The following C2CD3 variants were observed in gnomAD, a reference collection of about 807,000 sequenced individuals.
C2CD3 encodes C2 domain containing 3 centriole elongation regulator.
Under a neutral mutation model 234.0 loss-of-function variants are expected in C2CD3, and 148 were observed. That is an observed-to-expected ratio of 0.63 (90% CI 0.55 to 0.72). The LOEUF (loss-of-function observed/expected upper bound fraction) is 0.72, where lower values mean the gene tolerates loss of function less well. Ranked by LOEUF, C2CD3 falls within the 30% of genes least tolerant of loss-of-function variation. The probability of loss-of-function intolerance (pLI) is 0.00; values close to 1 mark genes in which losing one functional copy is unlikely to be tolerated. For synonymous variants in C2CD3, 1,000 were observed against 1,035.4 expected, an observed-to-expected ratio of 0.97 and a Z score of 0.66; for missense variants, 2,577 against 2,811.5, an observed-to-expected ratio of 0.92 and a Z score of 1.89.
chr11:74,037,336 T>TA lies in C2CD3; in HGVS notation c.5881+141dup, dbSNP rs370964056. On this transcript the variant is annotated intron_variant, in intron 30 of 32. Transcript: ENST00000334126. ...CCCTCCTTTTCAAACGCAAGATGGT[T>TA]AAAAAAAAAAAAAAAGGAAGAGGGT... 0.024 allele frequency: 15,415 copies of TA among 637,132 alleles called. 84 individuals are homozygous for TA. Among genetic ancestry groups the TA allele is most frequent in the African/African-American group, 0.068 (3,486 of 51,058 alleles). 39.5% of individuals were successfully genotyped at this position (637,132 alleles called of 1,614,324 possible).
intron 8 of C2CD3, among the ~76,000 whole-genome samples, chr11:74,122,472 T>C (rs1957250856): frequency 6.6e-6 from 1 of 152,124 alleles, no homozygotes; most frequent in Admixed American, 6.6e-5. Context: ...TTGGACATAG[T>C]ATGTATAGAT....
At chr11:74,126,078 G>A (rs936533677) in intron 7 of C2CD3, among the ~76,000 whole-genome samples, 2 of 152,138 alleles carry the variant, frequency 1.3e-5, no homozygotes, top group Non-Finnish European at 2.9e-5. Context: ...GTGCAAGACA[G>A]GTAAACTTCT....
chr11:74,163,537 T>C (rs1343184502), intron 2 of C2CD3, among the ~76,000 whole-genome samples: 1 of 152,224 alleles, frequency 6.6e-6, no homozygotes, highest in African/African-American at 2.4e-5. Context: ...CTCATGATAG[T>C]GAGTTAGCTC....
chr11:74,091,027 G>A, intron 19 of C2CD3, 91 bp from the exon 20 acceptor site: 1 of 1,318,948 alleles, frequency 7.6e-7, no homozygotes, highest in Non-Finnish European at 1.1e-6. Flanking sequence ...GATGGAAGAG[G>A]ATTAACACTA....
intron 28 of C2CD3, among the ~76,000 whole-genome samples, chr11:74,047,122 C>A (rs1194434581): frequency 6.6e-6 from 1 of 152,222 alleles, no homozygotes; most frequent in Non-Finnish European, 1.5e-5. Flanking sequence ...CCAGATCTGT[C>A]TGACCTCACA....
In C2CD3 at chr11:74,106,429, A is replaced by G; in HGVS notation, c.2027T>C (p.Phe676Ser). ...RAVIQSELLS[F>S]SDQLPVQQEN... The stretch of plus-strand genomic sequence containing the variant: ...TTGTTGCACTGGAAGCTGATCACTG[A>G]AAGAAAGCAGCTCTGATTGAATGAC... Residue 676 changes from phenylalanine to serine, a missense_variant, in exon 13 of 33, where the codon TTC becomes TCC. Coordinates refer to ENST00000334126, the MANE Select transcript of C2CD3 (RefSeq NM_001286577.2). 1 of 1,613,918 alleles carries G rather than the reference A, an allele frequency of 6.2e-7. No homozygotes were observed. The highest frequency in any genetic ancestry group is 8.5e-7 in the Non-Finnish European group (1 of 1,179,758).
At chr11:74,035,438 C>G (rs768231140) in intron 30 of C2CD3, among the ~76,000 whole-genome samples, 3 of 152,222 alleles carry the variant, frequency 2.0e-5, no homozygotes, top group Non-Finnish European at 4.4e-5. Context: ...AAGATTGCTA[C>G]ATGGCTTTGT....
Position 74,113,785 on chromosome 11 carries a change from T to A in C2CD3, c.1838A>T (p.Asp613Val). ...AAAACCAGTGTGTCTCTTACTTCCATCTGTAATTTTACTGGAGGCGAGTCG... is the reference window on the plus strand; with the variant it reads ...AAAACCAGTGTGTCTCTTACTTCCAACTGTAATTTTACTGGAGGCGAGTCG... ...VVRLASSKIT[D>V]GKVKFQQRFV... The change falls in exon 11 of 33, where the codon GAT becomes GTT. Residue 613 changes from aspartate (D) to valine (V), a missense_variant. Coordinates refer to ENST00000334126, the MANE Select transcript of C2CD3 (RefSeq NM_001286577.2). 3.2e-6 allele frequency: 5 copies of A among 1,583,786 alleles called. No homozygotes were observed. The highest frequency in any genetic ancestry group is 4.3e-6 in the Non-Finnish European group (5 of 1,153,282).
chr11:74,094,432 T>C (rs1956030297), intron 17 of C2CD3, among the ~76,000 whole-genome samples: 1 of 152,192 alleles, frequency 6.6e-6, no homozygotes, highest in Non-Finnish European at 1.5e-5. Context: ...TATATACAAA[T>C]CTCTTATTTG....
In C2CD3 at chr11:74,117,098, A is replaced by T. The variant is rs1229478198; in HGVS notation, c.1520+1130T>A. On this transcript the variant is annotated intron_variant, in intron 9 of 32. Coordinates refer to ENST00000334126, the MANE Select transcript of C2CD3 (RefSeq NM_001286577.2). ...TGAATATATATATGAATATATATAT[A>T]TGAATATATATATATGAATATATAT... Among the ~76,000 whole-genome samples the T allele has an allele frequency of 1.2e-3, 76 of 63,074 alleles. 4 individuals carry two copies. In the Admixed American group the frequency reaches 0.015, roughly 13 times the overall value. 41.4% of individuals were successfully genotyped at this position (63,074 alleles called of 152,430 possible).
chr11:74,034,038 G>C lies in C2CD3; in HGVS notation c.6122C>G (p.Ala2041Gly). The C allele has an allele frequency of 6.5e-7, 1 of 1,536,458 alleles. No homozygotes were observed. ...GCTCTGCATCCTTGTAATGGGTACT[G>C]CATGCCTCAGGGACTCATGGAGCAT... ...GRMLHESLRH[A>G]VPITRMQSSE... The change falls in exon 31 of 33, where the codon GCA becomes GGA. Residue 2041 changes from alanine to glycine, a missense_variant. Transcript: ENST00000334126.
At chr11:74,066,502 T>C (rs4565925) in intron 24 of C2CD3, among the ~76,000 whole-genome samples, 26,355 of 151,784 alleles carry the variant, frequency 0.17, 2,540 homozygotes, top group East Asian at 0.3. Context: ...TCTAGTTCCA[T>C]CTACTCTGAC....
At chr11:74,040,131 C>T (rs914666662) in intron 29 of C2CD3, among the ~76,000 whole-genome samples, 1 of 152,196 alleles carries the variant, frequency 6.6e-6, no homozygotes, top group Non-Finnish European at 1.5e-5. Context: ...CGCCTCCTGT[C>T]AGATCAGCAG....
At chr11:74,022,109 G>A (rs568984349) in intron 32 of C2CD3, among the ~76,000 whole-genome samples, 2 of 152,220 alleles carry the variant, frequency 1.3e-5, no homozygotes, top group South Asian at 2.1e-4. Flanking sequence ...CTGGGCAAGA[G>A]TGAGATTCCG....
At chr11:74,160,709 A>G (rs1240975038) in intron 3 of C2CD3, among the ~76,000 whole-genome samples, 2 of 152,208 alleles carry the variant, frequency 1.3e-5, no homozygotes, top group Admixed American at 6.5e-5. Context: ...AATGAACTGT[A>G]TATTTCAAAA....
intron 24 of C2CD3, among the ~76,000 whole-genome samples, chr11:74,060,164 C>G (rs1219753758): frequency 6.6e-6 from 1 of 152,218 alleles, no homozygotes; most frequent in South Asian, 2.1e-4. Flanking sequence ...GGAGGCTTGC[C>G]TGCCTCTGTA....
At chr11:74,042,462 CAT>C in intron 28 of C2CD3, among the ~76,000 whole-genome samples, 1 of 152,060 alleles carries the variant, frequency 6.6e-6, no homozygotes, top group East Asian at 1.9e-4. Flanking sequence ...TTTTCTAAAA[CAT>C]AAATCTGGCC....
chr11:74,051,786 C>T (rs1953704070), intron 26 of C2CD3, among the ~76,000 whole-genome samples: 1 of 152,172 alleles, frequency 6.6e-6, no homozygotes, highest in Non-Finnish European at 1.5e-5. Flanking sequence ...ATGTCCCACA[C>T]TGACTGTAAG....
chr11:74,068,793 GTTTATTTA>G (rs748959127), intron 24 of C2CD3, among the ~76,000 whole-genome samples: 3 of 151,892 alleles, frequency 2.0e-5, no homozygotes, highest in African/African-American at 7.3e-5. Context: ...CATCCCTCTG[GTTTATTTA>G]TTTATTTATT....
Sources: allele counts gnomAD v4.1 joint callset (sites outside exome capture counted in the v4.1 genomes callset), GRCh38; gene constraint gnomAD v4.1.1; transcripts MANE v1.5; gene names NCBI Gene and HGNC (gene_info 2026-07-23, HGNC 2026-07-21).